Variants in SYNJ1 observed in about 807,000 individuals in gnomAD.
The protein encoded by SYNJ1 is synaptojanin 1, also known as polyphosphatidylinositol phosphatase SYNJ1.
In SYNJ1, 78 loss-of-function variants were observed where a neutral mutation model predicts 168.2. That is an observed-to-expected ratio of 0.46 (90% confidence interval 0.39 to 0.56). SYNJ1 has a LOEUF of 0.56. SYNJ1 is among the 20% of genes least tolerant of loss of function. SYNJ1 has a pLI of 0.00. For missense variants in SYNJ1, 1,303 were observed against 1,597.6 expected (o/e 0.82, Z 3.14); for synonymous variants, 539 against 548.6 (o/e 0.98, Z 0.24).
rs1324658792 is a variant in SYNJ1 at position 32,631,528 on chromosome 21, TA to T, written c.*276del. On this transcript the variant is annotated 3_prime_UTR_variant, in exon 33 of 33. Transcript: ENST00000674351. ...GGATTTGTCCTGGTCAAGCCAGTAA[TA>T]AATGGGTTTGGAGAACTTCGCATAT... 1.9e-6 allele frequency: 3 copies of T among 1,614,006 alleles called. No homozygotes were observed. In the African/African-American group the frequency reaches 4.0e-5, roughly 22 times the overall value.
In SYNJ1 at chr21:32,631,000, T is replaced by C; in HGVS notation, c.*805A>G. The C allele has an allele frequency of 1.9e-6, 3 of 1,610,566 alleles. No individual in the cohort carries two copies. Among genetic ancestry groups the C allele is most frequent in the Non-Finnish European group, 2.5e-6 (3 of 1,178,038 alleles). Reference sequence around the variant, plus strand: ...CTGTTTTCTATTGCATGGCGTTATCTTTCTGTAAAGTCCAGTGTGGGTGAA... The same window carrying C: ...CTGTTTTCTATTGCATGGCGTTATCCTTCTGTAAAGTCCAGTGTGGGTGAA... On this transcript the variant is annotated 3_prime_UTR_variant, in exon 33 of 33. Transcript: ENST00000674351.
chr21:32,657,912 C>T, intron 18 of SYNJ1, 40 bp from the exon 19 acceptor site: 1 of 1,517,318 alleles, frequency 6.6e-7, no homozygotes, highest in Non-Finnish European at 9.1e-7. Flanking sequence ...TCCCAAACAG[C>T]AACAAGTTCT....
chr21:32,708,223 C>T (rs183089774), intron 2 of SYNJ1, among the ~76,000 whole-genome samples: 10 of 152,198 alleles, frequency 6.6e-5, no homozygotes, highest in Admixed American at 2.6e-4. Context: ...TATGAAGTGG[C>T]AGGGTGTGTG....
rs535679710 is a variant in SYNJ1, at chr21:32,634,805, A to G, written c.*3+56T>C. ...AGATGTATGAAGCAGAGATTCATAC[A>G]TCTAATGTGTTGAGACGGATGAAAA... On this transcript the variant is annotated intron_variant, in intron 32 of 32. Transcript: ENST00000674351. 1.0e-5 allele frequency: 16 copies of G among 1,579,378 alleles called. No homozygotes were observed. The African/African-American group carries it at 1.9e-4, about 19-fold the overall frequency.
At chr21:32,665,117 C>CA (rs754684452) in intron 17 of SYNJ1, 46 bp from the exon 18 acceptor site, 3 of 1,540,968 alleles carry the variant, frequency 1.9e-6, no homozygotes, top group Non-Finnish European at 2.6e-6. Context: ...AATCAATGTT[C>CA]AAAAATGTTT....
Position 32,684,126 on chromosome 21 carries a change from C to G in SYNJ1, c.1119-7G>C, listed in dbSNP as rs562245468. 9 of 1,612,202 alleles carry G rather than the reference C, an allele frequency of 5.6e-6. No homozygotes were observed. The African/African-American group carries it at 1.1e-4, about 19-fold the overall frequency. ...AACTGTACCACTCTGGCATCTGTAA[C>G]CAATAAAGTTAAATATCCAGTTTGG... On this transcript the variant is annotated splice_polypyrimidine_tract_variant and splice_region_variant and intron_variant, in intron 9 of 32. Transcript: ENST00000674351.
At chr21:32,704,934 G>A (rs1375935210) in intron 2 of SYNJ1, among the ~76,000 whole-genome samples, 1 of 152,096 alleles carries the variant, frequency 6.6e-6, no homozygotes, top group African/African-American at 2.4e-5. Flanking sequence ...CGGATTATGA[G>A]GTCAAGAGAT....
intron 13 of SYNJ1, among the ~76,000 whole-genome samples, chr21:32,674,292 C>T (rs2041317758): frequency 6.6e-6 from 1 of 152,238 alleles, no homozygotes; most frequent in Non-Finnish European, 1.5e-5. Flanking sequence ...AACACTCTTC[C>T]CGCACATCCT....
rs951976946 is a variant in SYNJ1, at chr21:32,699,973, C to T, written c.344G>A (p.Arg115His). The change falls in exon 4 of 33, where the codon CGC becomes CAC. Residue 115 changes from arginine to histidine, a missense_variant. This residue lies in a region of SYNJ1 where 920 missense variants were observed against 1,208.8 expected (regional missense o/e 0.76). Transcript: ENST00000674351. ...CAAAACTTTCCGCACTTCTGAAATG[C>T]GATCCTCATCTGAAGAATCGATTCG... ...SLRIDSSDEDRISEVRKVLNS... is the reference protein window; with the variant it reads ...SLRIDSSDEDHISEVRKVLNS... 1.2e-5 allele frequency: 19 copies of T among 1,614,036 alleles called. No homozygotes were observed. Among genetic ancestry groups the T allele is most frequent in the East Asian group, 4.5e-5 (2 of 44,888 alleles).
At chr21:32,634,768 G>T in intron 32 of SYNJ1, 93 bp downstream of exon 32, 1 of 1,330,204 alleles carries the variant, frequency 7.5e-7, no homozygotes, top group South Asian at 1.3e-5. Flanking sequence ...TTTTAAAAAT[G>T]GGTGAAACTT....
At position 32,727,978 on chromosome 21, in the gene SYNJ1, G is replaced by GCAGCCGCCGCCA. The variant is rs1035093736; in HGVS notation, c.-67_-56dup. 2.0e-6 allele frequency: 3 copies of GCAGCCGCCGCCA among 1,534,988 alleles called. No homozygotes were observed. The highest frequency in any genetic ancestry group is 1.4e-5 in the African/African-American group (1 of 72,760). On this transcript the variant is annotated 5_prime_UTR_variant, in exon 1 of 33. Coordinates refer to ENST00000674351, the MANE Select transcript of SYNJ1 (RefSeq NM_203446.3). ...TCCGGCTCCTCCTCCTCCTTCTCCC[G>GCAGCCGCCGCCA]CAGCCGCCGCCACAGCCGCCGGGAG...
At chr21:32,723,737 A>G (rs908297271) in intron 2 of SYNJ1, among the ~76,000 whole-genome samples, 3 of 151,828 alleles carry the variant, frequency 2.0e-5, no homozygotes, top group Non-Finnish European at 4.4e-5. Flanking sequence ...AGGAGGATCA[A>G]TTGAGCCCGG....
chr21:32,696,636 T>C (rs1021134320), intron 4 of SYNJ1, among the ~76,000 whole-genome samples: 10 of 152,216 alleles, frequency 6.6e-5, no homozygotes, highest in Non-Finnish European at 1.3e-4. Context: ...TCTACTTAAG[T>C]GCTCCGTACT....
At chr21:32,634,189 T>C (rs2039463006) in intron 32 of SYNJ1, among the ~76,000 whole-genome samples, 1 of 152,222 alleles carries the variant, frequency 6.6e-6, no homozygotes, top group African/African-American at 2.4e-5. Flanking sequence ...TAAGAAAATT[T>C]TTATTTCAAA....
At chr21:32,648,636 G>A (rs1272640325) in intron 23 of SYNJ1, among the ~76,000 whole-genome samples, 2 of 152,034 alleles carry the variant, frequency 1.3e-5, no homozygotes, top group Admixed American at 1.3e-4. Context: ...TTTAAACTCT[G>A]TGTTTCCACA....
chr21:32,682,106 T>TA (rs1487106893), intron 10 of SYNJ1, among the ~76,000 whole-genome samples: 2 of 152,042 alleles, frequency 1.3e-5, no homozygotes, highest in African/African-American at 4.8e-5. Flanking sequence ...TGTCACAAAA[T>TA]AAAGAAAATA....
Position 32,638,901 on chromosome 21 carries a change from G to C in SYNJ1, c.3915+7C>G, listed in dbSNP as rs2145719045. On this transcript the variant is annotated splice_region_variant and intron_variant, in intron 31 of 32. Coordinates refer to ENST00000674351, the MANE Select transcript of SYNJ1 (RefSeq NM_203446.3). ...AGATAATATTTTGTGTAACAAATGA[G>C]ACTTACTTGCGGTTGTGAGGAAGCT... 2 of 1,588,310 alleles carry C rather than the reference G, an allele frequency of 1.3e-6. No homozygotes were observed. Among genetic ancestry groups the C allele is most frequent in the Non-Finnish European group, 1.7e-6 (2 of 1,164,208 alleles).
In SYNJ1 at chr21:32,657,088, G is replaced by C. The variant is rs1326692217; in HGVS notation, c.2494C>G (p.Gln832Glu). Residue 832 changes from glutamine to glutamate, a missense_variant, in exon 20 of 33, where the codon CAA (glutamine) becomes GAA (glutamate). By Grantham distance (29) the Gln-to-Glu change is conservative. This residue lies in a region of SYNJ1 where 920 missense variants were observed against 1,208.8 expected (regional missense o/e 0.76). Coordinates refer to ENST00000674351, the MANE Select transcript of SYNJ1 (RefSeq NM_203446.3). The part of the protein sequence containing the change: ...EDLDLLNASF[Q>E]DESKILYTWT... ...GTGTACAGAATTTTGCTTTCATCTT[G>C]AAAACTAGCATTTAGAAGATCTAGA... 6.2e-7 allele frequency: 1 copy of C among 1,613,824 alleles called. No individual in the cohort carries two copies. The highest frequency in any genetic ancestry group is 1.3e-5 in the African/African-American group (1 of 75,044).
chr21:32,630,863 T>C lies in SYNJ1; in HGVS notation c.*942A>G. The C allele has an allele frequency of 1.1e-6, 1 of 874,570 alleles. No individual in the cohort carries two copies. The highest frequency in any genetic ancestry group is 1.8e-5 in the South Asian group (1 of 55,626). 54.2% of individuals were successfully genotyped at this position (874,570 alleles called of 1,614,324 possible). On this transcript the variant is annotated 3_prime_UTR_variant, in exon 33 of 33. Coordinates refer to ENST00000674351, the MANE Select transcript of SYNJ1 (RefSeq NM_203446.3). ...TACACATAGTCCAACTCTGTACACA[T>C]CAAATAGTGGTGTTTTGTGAAGATA...
Sources: allele counts gnomAD v4.1 joint callset (sites outside exome capture counted in the v4.1 genomes callset), GRCh38; gene constraint gnomAD v4.1.1; regional missense constraint gnomAD v4.1.1; transcripts MANE v1.5; gene names NCBI Gene and HGNC (gene_info 2026-07-23, HGNC 2026-07-21).